The following CNTNAP2 variants were observed in gnomAD, a reference collection of about 807,000 sequenced individuals.
CNTNAP2 encodes contactin associated protein 2, also known as contactin-associated protein-like 2.
A neutral mutation model predicts 155.2 loss-of-function variants in CNTNAP2; 98 were observed. The observed-to-expected ratio is 0.63, with a 90% CI of 0.54 to 0.75. The LOEUF is 0.75. Among genes scored for constraint, CNTNAP2 ranks in the 30% least tolerant of loss-of-function variants. The probability of loss-of-function intolerance (pLI) is 0.00; values close to 1 mark genes in which losing one functional copy is unlikely to be tolerated. For synonymous variants in CNTNAP2, 651 were observed against 631.2 expected (o/e 1.03, Z -0.47); for missense variants, 1,727 against 1,688.1 (o/e 1.02, Z -0.40).
intron 9 of CNTNAP2, among the ~76,000 whole-genome samples, chr7:147,316,447 T>C (rs1174429100): frequency 6.6e-6 from 1 of 152,098 alleles, no homozygotes; most frequent in African/African-American, 2.4e-5. Flanking sequence ...GAAATCCACA[T>C]TTTAAAAAAT....
intron 8 of CNTNAP2, among the ~76,000 whole-genome samples, chr7:147,222,097 T>C (rs970899526): frequency 2.6e-5 from 4 of 152,226 alleles, no homozygotes; most frequent in Non-Finnish European, 4.4e-5. Flanking sequence ...TCCTTCTTTA[T>C]GTTCTCTGAG....
chr7:148,291,394 G>A (rs1402003451), intron 21 of CNTNAP2, among the ~76,000 whole-genome samples: 3 of 151,904 alleles, frequency 2.0e-5, no homozygotes, highest in South Asian at 4.2e-4. Flanking sequence ...GAAGAGCAAG[G>A]AGAGACAGTC....
At chr7:146,600,130 A>G (rs1273867361) in intron 1 of CNTNAP2, among the ~76,000 whole-genome samples, 2 of 152,062 alleles carry the variant, frequency 1.3e-5, no homozygotes, top group Admixed American at 1.3e-4. Flanking sequence ...GTGGCTAGCG[A>G]TCCTCAACCA....
chr7:147,636,857 G>C (rs1040852669), intron 12 of CNTNAP2, among the ~76,000 whole-genome samples: 6 of 152,150 alleles, frequency 3.9e-5, no homozygotes, highest in African/African-American at 1.4e-4. Flanking sequence ...GAAAATTAAA[G>C]CAGGAAGAGG....
At chr7:148,297,198 A>AAGGAAGGAAGGAAGGG (rs1484456340) in intron 21 of CNTNAP2, among the ~76,000 whole-genome samples, 14 of 151,218 alleles carry the variant, frequency 9.3e-5, no homozygotes, top group African/African-American at 3.4e-4. Flanking sequence ...GGAAGGAAGG[A>AAGGAAGGAAGGAAGGG]AGGAAGGAAA....
At chr7:147,298,084 CATTA>C (rs1309717755) in intron 8 of CNTNAP2, among the ~76,000 whole-genome samples, 1 of 152,064 alleles carries the variant, frequency 6.6e-6, no homozygotes, top group Non-Finnish European at 1.5e-5. Context: ...AAGTCTTTTG[CATTA>C]ATTCCTTTAG....
Position 147,809,177 on chromosome 7 carries a change from C to T in CNTNAP2, c.2099-94388C>T, listed in dbSNP as rs151230210. Among the ~76,000 whole-genome samples, 260 of 152,314 alleles carry T rather than the reference C, an allele frequency of 1.7e-3. 1 individual carries two copies. The highest frequency in any genetic ancestry group is 3.3e-3 in the Admixed American group (51 of 15,290). ...GATGAGGTACAATGTGGCTGGAAAG[C>T]TCTCTAATACTGATCTGACATGGCA... is the stretch of plus-strand genomic sequence containing the variant. On this transcript the variant is annotated intron_variant, in intron 13 of 23. Coordinates refer to ENST00000361727, the MANE Select transcript of CNTNAP2 (RefSeq NM_014141.6).
At chr7:147,011,099 T>C (rs1798614375) in intron 3 of CNTNAP2, among the ~76,000 whole-genome samples, 1 of 151,966 alleles carries the variant, frequency 6.6e-6, no homozygotes, top group Non-Finnish European at 1.5e-5. Flanking sequence ...GCATTGTCAA[T>C]GGGAGAACTG....
At chr7:146,418,505 T>A (rs1795967822) in intron 1 of CNTNAP2, among the ~76,000 whole-genome samples, 3 of 152,176 alleles carry the variant, frequency 2.0e-5, no homozygotes, top group African/African-American at 7.2e-5. Context: ...TTTCTATATA[T>A]TTTCTAAATA....
At chr7:147,811,892 G>T (rs1365870372) in intron 13 of CNTNAP2, among the ~76,000 whole-genome samples, 1 of 152,116 alleles carries the variant, frequency 6.6e-6, no homozygotes, top group Non-Finnish European at 1.5e-5. Flanking sequence ...CTCCATGTGG[G>T]TCCTGCATTC....
At chr7:148,247,282 T>A (rs531615985) in intron 20 of CNTNAP2, among the ~76,000 whole-genome samples, 1 of 152,292 alleles carries the variant, frequency 6.6e-6, no homozygotes, top group South Asian at 2.1e-4. Context: ...ATTATACATT[T>A]AAATATATTT....
chr7:147,772,485 C>A (rs866052903), intron 13 of CNTNAP2, among the ~76,000 whole-genome samples: 2 of 64,156 alleles, frequency 3.1e-5, no homozygotes, highest in African/African-American at 6.8e-5. Context: ...TATATATATA[C>A]ACACACAAAA....
At chr7:147,423,694 A>G (rs1797334320) in intron 10 of CNTNAP2, among the ~76,000 whole-genome samples, 1 of 152,252 alleles carries the variant, frequency 6.6e-6, no homozygotes, top group African/African-American at 2.4e-5. Context: ...CATTGATACC[A>G]TCCTCCAGCA....
intron 9 of CNTNAP2, among the ~76,000 whole-genome samples, chr7:147,383,439 G>A (rs969056924): frequency 2.6e-5 from 4 of 152,130 alleles, no homozygotes; most frequent in African/African-American, 7.2e-5. Context: ...TAAGGTTTGT[G>A]AATTTTGTGT....
chr7:147,418,993 G>A (rs1797244347), intron 10 of CNTNAP2, among the ~76,000 whole-genome samples: 1 of 152,074 alleles, frequency 6.6e-6, no homozygotes, highest in South Asian at 2.1e-4. Context: ...TTATTAAACG[G>A]ACTCAGAAAT....
In CNTNAP2 at chr7:147,446,444, T is replaced by G. The variant is rs192180083; in HGVS notation, c.1671-39491T>G. On this transcript the variant is annotated intron_variant, in intron 10 of 23. Coordinates refer to ENST00000361727, the MANE Select transcript of CNTNAP2 (RefSeq NM_014141.6). ...TTTGAAACAATATTTTTGGGTTATC[T>G]GGGGCCATAAGTAATGACATTTGAT... Among the ~76,000 whole-genome samples, 10 of 152,318 alleles carry G rather than the reference T, an allele frequency of 6.6e-5. No individual in the cohort carries two copies. In the East Asian group the frequency reaches 1.9e-3, roughly 29 times the overall value.
chr7:147,037,312 T>C (rs903117374), intron 3 of CNTNAP2, among the ~76,000 whole-genome samples: 5 of 151,944 alleles, frequency 3.3e-5, no homozygotes, highest in Non-Finnish European at 5.9e-5. Flanking sequence ...ATATCAAAAA[T>C]AAAATATATT....
At chr7:147,511,884 G>C (rs1799029544) in intron 11 of CNTNAP2, among the ~76,000 whole-genome samples, 1 of 152,160 alleles carries the variant, frequency 6.6e-6, no homozygotes, top group Non-Finnish European at 1.5e-5. Context: ...TGCCTTCAAA[G>C]TGCTTTCTAT....
At chr7:147,195,142 T>C (rs1224002934) in intron 8 of CNTNAP2, among the ~76,000 whole-genome samples, 1 of 152,224 alleles carries the variant, frequency 6.6e-6, no homozygotes, top group East Asian at 1.9e-4. Flanking sequence ...TGCATACAGC[T>C]AGCCGGTTTT....
Sources: gnomAD v4.1 joint callset for allele counts (sites outside exome capture counted in the v4.1 genomes callset) on GRCh38, gnomAD v4.1.1 for gene constraint, MANE v1.5 for transcripts, NCBI Gene and HGNC (gene_info 2026-07-23, HGNC 2026-07-21) for gene names.